KCNT2: variants seen among roughly 807,000 people sequenced by gnomAD.
The protein encoded by KCNT2 is potassium sodium-activated channel subfamily T member 2.
A neutral mutation model predicts 153.8 loss-of-function variants in KCNT2; 67 were observed. That is an observed-to-expected ratio of 0.44 (90% CI 0.36 to 0.53). The LOEUF (loss-of-function observed/expected upper bound fraction) is 0.53, where lower values mean the gene tolerates loss of function less well. KCNT2 is among the 20% of genes least tolerant of loss of function. The probability of loss-of-function intolerance (pLI) is 0.00; values close to 1 mark genes in which losing one functional copy is unlikely to be tolerated. For missense variants in KCNT2, 975 were observed against 1,354.8 expected (o/e 0.72, Z 4.40); for synonymous variants, 500 against 458.8 (o/e 1.09, Z -1.15).
chr1:196,243,525 T>C (rs527299552), intron 26 of KCNT2, among the ~76,000 whole-genome samples: 2 of 152,282 alleles, frequency 1.3e-5, no homozygotes, highest in East Asian at 3.9e-4. Context: ...AGGGAGTCTG[T>C]GCACTCGGGG....
At chr1:196,501,807 T>C (rs972742550) in intron 1 of KCNT2, among the ~76,000 whole-genome samples, 7 of 152,176 alleles carry the variant, frequency 4.6e-5, no homozygotes, top group Non-Finnish European at 8.8e-5. Flanking sequence ...AAGCCTCCTA[T>C]CCATTTTTCA....
At chr1:196,286,135 C>T (rs1332991799) in intron 22 of KCNT2, among the ~76,000 whole-genome samples, 1 of 152,042 alleles carries the variant, frequency 6.6e-6, no homozygotes, top group East Asian at 1.9e-4. Flanking sequence ...TTTAAATATT[C>T]TCATGGGTGA....
chr1:196,274,610 G>A (rs191121205), intron 25 of KCNT2, among the ~76,000 whole-genome samples: 8 of 151,830 alleles, frequency 5.3e-5, no homozygotes, highest in Non-Finnish European at 8.9e-5. Flanking sequence ...CATTGTAATA[G>A]TAAAGTGTTA....
chr1:196,504,531 G>A (rs943275782), intron 1 of KCNT2, among the ~76,000 whole-genome samples: 13 of 152,064 alleles, frequency 8.5e-5, no homozygotes, highest in African/African-American at 3.1e-4. Flanking sequence ...TGTGAATAGT[G>A]CTGCAATAAA....
At chr1:196,508,173 A>G (rs1681300840) in intron 1 of KCNT2, among the ~76,000 whole-genome samples, 1 of 146,776 alleles carries the variant, frequency 6.8e-6, no homozygotes, top group African/African-American at 2.5e-5. Context: ...ATCTTTTTAA[A>G]TGGTTCCCTA....
At chr1:196,329,895 G>GTC (rs1261557911) in intron 18 of KCNT2, among the ~76,000 whole-genome samples, 2 of 141,070 alleles carry the variant, frequency 1.4e-5, no homozygotes, top group Non-Finnish European at 3.0e-5. Flanking sequence ...GTGTGTGTGT[G>GTC]TGTGTGTGTG....
chr1:196,351,313 A>T (rs1666670544), intron 14 of KCNT2, among the ~76,000 whole-genome samples: 1 of 152,024 alleles, frequency 6.6e-6, no homozygotes, highest in Admixed American at 6.6e-5. Flanking sequence ...CATTTTCACG[A>T]TATTAATTCT....
At chr1:196,255,698 CA>C (rs1002186560) in intron 26 of KCNT2, among the ~76,000 whole-genome samples, 12 of 151,906 alleles carry the variant, frequency 7.9e-5, no homozygotes, top group African/African-American at 2.6e-4. Flanking sequence ...GATCAGTTTC[CA>C]TATCCAAACA....
chr1:196,475,915 T>A (rs577549102), intron 5 of KCNT2, among the ~76,000 whole-genome samples: 15 of 152,194 alleles, frequency 9.9e-5, no homozygotes, highest in Non-Finnish European at 1.8e-4. Flanking sequence ...CCATTAATGT[T>A]TATGAGGGTT....
intron 25 of KCNT2, 39 bp from the exon 26 acceptor site, chr1:196,258,533 A>G (rs1656718955): frequency 1.6e-6 from 2 of 1,249,560 alleles, no homozygotes; most frequent in Non-Finnish European, 2.3e-6. Context: ...GATACTTTAG[A>G]AATAAATATG....
At chr1:196,404,439 G>A (rs1374588687) in intron 12 of KCNT2, among the ~76,000 whole-genome samples, 2 of 151,588 alleles carry the variant, frequency 1.3e-5, no homozygotes, top group East Asian at 1.9e-4. Flanking sequence ...CAAGGCTTAC[G>A]ACAACCTTTA....
intron 1 of KCNT2, among the ~76,000 whole-genome samples, chr1:196,605,305 A>C: frequency 6.6e-6 from 1 of 152,236 alleles, no homozygotes; most frequent in East Asian, 1.9e-4. Context: ...AGGGGAGAAG[A>C]GAGACAGAAG....
chr1:196,571,643 G>A (rs1447509294), intron 1 of KCNT2, among the ~76,000 whole-genome samples: 2 of 152,012 alleles, frequency 1.3e-5, no homozygotes, highest in African/African-American at 4.8e-5. Flanking sequence ...GATCAATCAT[G>A]CCCTAATGCA....
intron 13 of KCNT2, among the ~76,000 whole-genome samples, chr1:196,397,938 G>GT (rs773484159): frequency 6.0e-5 from 9 of 150,286 alleles, no homozygotes; most frequent in African/African-American, 1.2e-4. Context: ...AACATTAGCG[G>GT]TTTTTTTTAC....
chr1:196,299,494 C>T (rs149767591), intron 22 of KCNT2, among the ~76,000 whole-genome samples: 2 of 152,188 alleles, frequency 1.3e-5, no homozygotes, highest in African/African-American at 4.8e-5. Context: ...CAACAAAATG[C>T]TCAACATTAC....
At position 196,344,305 on chromosome 1, in the gene KCNT2, A is replaced by G. The variant is rs1439180790; in HGVS notation, c.1404-2077T>C. ...TTCCGGAGCTATTTTAAATAAACCTAGTCGACTTACTAAACAATAATGCTT... is the reference window on the plus strand; with the variant it reads ...TTCCGGAGCTATTTTAAATAAACCTGGTCGACTTACTAAACAATAATGCTT... On this transcript the variant is annotated intron_variant, in intron 14 of 27. Coordinates refer to ENST00000294725, the MANE Select transcript of KCNT2 (RefSeq NM_198503.5). 2.0e-5 allele frequency among the ~76,000 whole-genome samples: 3 copies of G among 152,150 alleles called. No individual in the cohort carries two copies. In the East Asian group the frequency reaches 5.8e-4, roughly 29 times the overall value.
intron 1 of KCNT2, among the ~76,000 whole-genome samples, chr1:196,580,110 C>T (rs1661851605): frequency 6.6e-6 from 1 of 152,110 alleles, no homozygotes; most frequent in South Asian, 2.1e-4. Context: ...GGAAAATGTG[C>T]TTCACCAATA....
intron 14 of KCNT2, among the ~76,000 whole-genome samples, chr1:196,361,921 G>GTA (rs1373625209): frequency 6.6e-6 from 1 of 151,706 alleles, no homozygotes; most frequent in African/African-American, 2.4e-5. Flanking sequence ...GTGAGTGTGT[G>GTA]TGTGTGTGTG....
chr1:196,523,806 AT>A (rs958215530), intron 1 of KCNT2, among the ~76,000 whole-genome samples: 5 of 152,182 alleles, frequency 3.3e-5, no homozygotes, highest in African/African-American at 1.2e-4. Context: ...ACTTTCAATT[AT>A]TTTGAGTCTT....
Sources: gnomAD v4.1 joint callset for allele counts (sites outside exome capture counted in the v4.1 genomes callset) on GRCh38, gnomAD v4.1.1 for gene constraint, MANE v1.5 for transcripts, NCBI Gene and HGNC (gene_info 2026-07-23, HGNC 2026-07-21) for gene names.